Variants in LDAH observed in about 807,000 individuals in gnomAD.
LDAH encodes lipid droplet associated hydrolase.
In LDAH, 26 loss-of-function variants were observed where a neutral mutation model predicts 29.6. The ratio of observed to expected loss-of-function variants is 0.88; its 90% confidence interval spans 0.64 to 1.22. The LOEUF (loss-of-function observed/expected upper bound fraction) is 1.22, where lower values mean the gene tolerates loss of function less well. Ranked by LOEUF, LDAH falls within the 50% of genes most tolerant of loss-of-function variation. The pLI, the probability that LDAH is intolerant of heterozygous loss-of-function variation, is 0.00. For synonymous variants in LDAH, 117 were observed against 133.0 expected (o/e 0.88, Z 0.83); for missense variants, 344 against 387.3 (o/e 0.89, Z 0.94).
chr2:20,813,055 AG>A (rs1464599967), intron 1 of LDAH, among the ~76,000 whole-genome samples: 1 of 152,246 alleles, frequency 6.6e-6, no homozygotes, highest in Non-Finnish European at 1.5e-5. Context: ...AATGTCTGAA[AG>A]ATTCCAGAGC....
intron 5 of LDAH, among the ~76,000 whole-genome samples, chr2:20,710,285 T>A (rs1664619918): frequency 6.6e-6 from 1 of 151,986 alleles, no homozygotes; most frequent in South Asian, 2.1e-4. Flanking sequence ...AAAAGGATAA[T>A]CACATAATTT....
chr2:20,704,119 C>T (rs1664145437), intron 5 of LDAH, among the ~76,000 whole-genome samples: 1 of 152,170 alleles, frequency 6.6e-6, no homozygotes, highest in Non-Finnish European at 1.5e-5. Context: ...CATGCAGATA[C>T]TTGGGTTAGC....
At position 20,684,390 on chromosome 2, in the gene LDAH, C is replaced by CA. The variant is rs1553329403; in HGVS notation, c.*2512_*2513insT. 6.9e-6 allele frequency: 1 copy of CA among 145,242 alleles called. No homozygotes were observed. Among genetic ancestry groups the CA allele is most frequent in the African/African-American group, 2.5e-5 (1 of 39,770 alleles). 9.0% of individuals were successfully genotyped at this position (145,242 alleles called of 1,614,324 possible). A position where few individuals can be genotyped will look rare whatever the true frequency, so the allele number is the denominator to read the frequency against. On this transcript the variant is annotated 3_prime_UTR_variant, in exon 7 of 7. Coordinates refer to ENST00000237822, the MANE Select transcript of LDAH (RefSeq NM_021925.4). ...TTCAGTCTCCTTTAATCTGAAATTG[C>CA]TTTTTTTTTTTGCTCTTTTTTAAAA...
In LDAH at chr2:20,685,760, A is replaced by G. The variant is rs1210443105; in HGVS notation, c.*1143T>C. 7.2e-7 allele frequency: 1 copy of G among 1,379,320 alleles called. No individual in the cohort carries two copies. The highest frequency in any genetic ancestry group is 9.7e-7 in the Non-Finnish European group (1 of 1,032,286). 85.4% of individuals were successfully genotyped at this position (1,379,320 alleles called of 1,614,324 possible). A position where few individuals can be genotyped will look rare whatever the true frequency, so the allele number is the denominator to read the frequency against. ...GGGGAGGCAGCAATATTGTCAGCCCACTCTAGGCCAGGGAATATGTGTCTT... is the reference window on the plus strand; with the variant it reads ...GGGGAGGCAGCAATATTGTCAGCCCGCTCTAGGCCAGGGAATATGTGTCTT... On this transcript the variant is annotated 3_prime_UTR_variant, in exon 7 of 7. Coordinates refer to ENST00000237822, the MANE Select transcript of LDAH (RefSeq NM_021925.4).
intron 1 of LDAH, among the ~76,000 whole-genome samples, chr2:20,807,528 G>A (rs1275546613): frequency 1.3e-5 from 2 of 151,992 alleles, no homozygotes; most frequent in African/African-American, 4.8e-5. Context: ...GAAATGAGAA[G>A]TTGTTTAAAT....
At chr2:20,720,689 A>C (rs1222495478) in intron 5 of LDAH, among the ~76,000 whole-genome samples, 1 of 152,092 alleles carries the variant, frequency 6.6e-6, no homozygotes, top group Admixed American at 6.5e-5. Context: ...GAAAAAACAA[A>C]AACAAAAAAA....
intron 5 of LDAH, among the ~76,000 whole-genome samples, chr2:20,708,980 G>C (rs1249074682): frequency 6.6e-6 from 1 of 152,138 alleles, no homozygotes; most frequent in Non-Finnish European, 1.5e-5. Context: ...AAGACAATCT[G>C]ATTGAAAATG....
chr2:20,748,852 G>A lies in LDAH; in HGVS notation c.469-8647C>T, dbSNP rs772984212. ...GGATGGCTCTGCTGATCAAGAAACT[G>A]CTACTTGGCATAAAGTTGGAGCTGG... On this transcript the variant is annotated intron_variant, in intron 4 of 6. Coordinates refer to ENST00000237822, the MANE Select transcript of LDAH (RefSeq NM_021925.4). Among the ~76,000 whole-genome samples, 74 of 152,152 alleles carry A rather than the reference G, an allele frequency of 4.9e-4. 1 individual carries two copies. Among genetic ancestry groups the A allele is most frequent in the Non-Finnish European group, 5.9e-4 (40 of 68,030 alleles).
At chr2:20,714,449 C>A (rs144370441) in intron 5 of LDAH, among the ~76,000 whole-genome samples, 1 of 152,146 alleles carries the variant, frequency 6.6e-6, no homozygotes, top group Admixed American at 6.5e-5. Flanking sequence ...AAAATCAACA[C>A]CCTAATGTCA....
rs944878693 is a variant in LDAH, at chr2:20,801,996, A to G, written c.-2-531T>C. Among the ~76,000 whole-genome samples the G allele has an allele frequency of 2.6e-5, 4 of 151,058 alleles. 1 individual carries two copies. Among genetic ancestry groups the G allele is most frequent in the South Asian group, 4.2e-4 (2 of 4,788 alleles). On this transcript the variant is annotated intron_variant, in intron 1 of 6. Transcript: ENST00000237822. ...TGTGTGTATGTATGAATATGTGTGT[A>G]TATATATGTATATATACATATACAT...
intron 5 of LDAH, among the ~76,000 whole-genome samples, chr2:20,739,695 G>A (rs1044550825): frequency 6.6e-6 from 1 of 152,174 alleles, no homozygotes; most frequent in Non-Finnish European, 1.5e-5. Context: ...TATATACTAT[G>A]TACTATATGC....
chr2:20,713,052 C>A (rs1664887740), intron 5 of LDAH, among the ~76,000 whole-genome samples: 1 of 152,162 alleles, frequency 6.6e-6, no homozygotes, highest in African/African-American at 2.4e-5. Context: ...CACAAAGATA[C>A]TCCTCGAGAA....
chr2:20,770,837 T>C (rs574088295), intron 4 of LDAH, among the ~76,000 whole-genome samples: 2 of 152,226 alleles, frequency 1.3e-5, no homozygotes, highest in East Asian at 3.9e-4. Context: ...CCACCCCAGA[T>C]TCAGGCAGAG....
At chr2:20,777,733 A>C (rs1201949091) in intron 3 of LDAH, among the ~76,000 whole-genome samples, 1 of 152,170 alleles carries the variant, frequency 6.6e-6, no homozygotes, top group Non-Finnish European at 1.5e-5. Context: ...TTTACTAGTA[A>C]ATAAAATTCT....
rs550427424 is a variant in LDAH at position 20,728,833 on chromosome 2, G to C, written c.703+11138C>G. On this transcript the variant is annotated intron_variant, in intron 5 of 6. Coordinates refer to ENST00000237822, the MANE Select transcript of LDAH (RefSeq NM_021925.4). ...GTTATGGGGAAAAAAAAAAATCAGA[G>C]ACCACTGAAGTAGTAGTTATTTGGC... is the stretch of plus-strand genomic sequence containing the variant. Among the ~76,000 whole-genome samples the C allele has an allele frequency of 2.3e-3, 355 of 152,060 alleles. 1 individual carries two copies. The highest frequency in any genetic ancestry group is 8.3e-3 in the African/African-American group (345 of 41,464).
chr2:20,796,854 T>A (rs1298700201), intron 2 of LDAH, among the ~76,000 whole-genome samples: 1 of 152,138 alleles, frequency 6.6e-6, no homozygotes, highest in African/African-American at 2.4e-5. Context: ...CAAAACATGG[T>A]CTCAACTCTC....
chr2:20,690,790 G>A (rs1205431813), intron 6 of LDAH, among the ~76,000 whole-genome samples: 7 of 152,238 alleles, frequency 4.6e-5, no homozygotes, highest in Admixed American at 3.9e-4. Context: ...TTATCGGTAT[G>A]CAAAAATGAA....
chr2:20,801,130 C>T (rs1209545232), intron 2 of LDAH, among the ~76,000 whole-genome samples, 180 bp downstream of exon 2: 2 of 151,912 alleles, frequency 1.3e-5, no homozygotes, highest in African/African-American at 4.8e-5. Flanking sequence ...AATGTAAATA[C>T]ATAGAAGAAA....
chr2:20,736,784 A>C (rs565025748), intron 5 of LDAH, among the ~76,000 whole-genome samples: 2 of 152,286 alleles, frequency 1.3e-5, no homozygotes, highest in African/African-American at 4.8e-5. Context: ...TCTTGTGTGC[A>C]GTGCTTTTCT....
Sources: gnomAD v4.1 joint callset for allele counts (sites outside exome capture counted in the v4.1 genomes callset) on GRCh38, gnomAD v4.1.1 for gene constraint, MANE v1.5 for transcripts, NCBI Gene and HGNC (gene_info 2026-07-23, HGNC 2026-07-21) for gene names.